The following CDC42BPA variants were observed in gnomAD, a reference collection of about 807,000 sequenced individuals.
The protein encoded by CDC42BPA is CDC42 binding protein kinase alpha.
A neutral mutation model predicts 223.5 loss-of-function variants in CDC42BPA; 80 were observed. The observed-to-expected ratio is 0.36, with a 90% CI of 0.30 to 0.43. CDC42BPA has a LOEUF of 0.43. Ranked by LOEUF, CDC42BPA falls within the 20% of genes least tolerant of loss-of-function variation. The pLI, the probability that CDC42BPA is intolerant of heterozygous loss-of-function variation, is 1.00. For synonymous variants in CDC42BPA, 694 were observed against 718.6 expected, an observed-to-expected ratio of 0.97 and a Z score of 0.55; for missense variants, 1,743 against 2,099.9, an observed-to-expected ratio of 0.83 and a Z score of 3.32.
chr1:227,060,717 CTTTTTT>C (rs59728048), intron 21 of CDC42BPA, among the ~76,000 whole-genome samples: 16 of 95,462 alleles, frequency 1.7e-4, no homozygotes, highest in Non-Finnish European at 2.0e-4. Context: ...TAAATAGGTA[CTTTTTT>C]TTTTTTTTTT....
intron 8 of CDC42BPA, among the ~76,000 whole-genome samples, chr1:227,144,020 A>T (rs1660200905): frequency 6.6e-6 from 1 of 152,234 alleles, no homozygotes; most frequent in Non-Finnish European, 1.5e-5. Context: ...ACAGGAAAGT[A>T]TGAGAAATTT....
At chr1:227,022,993 C>CT (rs2148576871) in intron 32 of CDC42BPA, among the ~76,000 whole-genome samples, 1 of 152,332 alleles carries the variant, frequency 6.6e-6, no homozygotes, top group Non-Finnish European at 1.5e-5. Flanking sequence ...ATCAGCTACA[C>CT]TTTCTCTACT....
At chr1:227,085,815 GT>G (rs1290846064) in intron 16 of CDC42BPA, among the ~76,000 whole-genome samples, 6 of 151,998 alleles carry the variant, frequency 3.9e-5, no homozygotes, top group Middle Eastern at 3.4e-3. Context: ...TAGTTTACCA[GT>G]TTTTTTTCAC....
intron 2 of CDC42BPA, among the ~76,000 whole-genome samples, chr1:227,227,885 T>C (rs927619701): frequency 3.9e-5 from 6 of 152,232 alleles, no homozygotes; most frequent in Non-Finnish European, 5.9e-5. Flanking sequence ...AAATGTTCCA[T>C]GTGTACTGAA....
At chr1:227,079,475 G>A (rs919595299) in intron 17 of CDC42BPA, among the ~76,000 whole-genome samples, 1 of 151,958 alleles carries the variant, frequency 6.6e-6, no homozygotes, top group African/African-American at 2.4e-5. Flanking sequence ...GTCATTTTCA[G>A]CTCCTCCTTA....
At chr1:227,062,215 C>T (rs1324343016) in intron 21 of CDC42BPA, among the ~76,000 whole-genome samples, 9 of 152,150 alleles carry the variant, frequency 5.9e-5, no homozygotes, top group East Asian at 1.9e-4. Context: ...TGAAATCTCC[C>T]TCTGTCCACA....
intron 6 of CDC42BPA, among the ~76,000 whole-genome samples, chr1:227,148,856 G>T (rs905775404): frequency 7.4e-6 from 1 of 135,158 alleles, no homozygotes; most frequent in African/African-American, 2.8e-5. Context: ...TTTTTACAAA[G>T]AGAGATTCTT....
chr1:227,264,896 GA>G (rs1684716899), intron 1 of CDC42BPA: 2 of 1,468,802 alleles, frequency 1.4e-6, no homozygotes, highest in Admixed American at 1.7e-5. Context: ...TTCCTCTTCT[GA>G]AACCTCAGAT....
In CDC42BPA at chr1:227,047,960, T is replaced by C. The variant is rs760979662; in HGVS notation, c.3060A>G (p.Lys1020=). 2 of 1,607,092 alleles carry C rather than the reference T, an allele frequency of 1.2e-6. No individual in the cohort carries two copies. Among genetic ancestry groups the C allele is most frequent in the Admixed American group, 1.7e-5 (1 of 59,736 alleles). ...LSVHTPTLRK[K]GCPGSTGFPP... ...GAAAGCCAGTTGAACCAGGACATCC[T>C]TTTTTCCTTAAGGTTGGTGTGTGAA... The change falls in exon 23 of 37, where the codon AAA becomes AAG. Residue 1020 remains lysine, a synonymous_variant. Transcript: ENST00000366766.
At chr1:227,080,289 T>C (rs1680368037) in intron 17 of CDC42BPA, among the ~76,000 whole-genome samples, 1 of 152,176 alleles carries the variant, frequency 6.6e-6, no homozygotes, top group Admixed American at 6.5e-5. Flanking sequence ...TCCCCATGTA[T>C]TATTAAAATA....
At chr1:227,008,791 C>T (rs529260604) in intron 34 of CDC42BPA, among the ~76,000 whole-genome samples, 1 of 152,314 alleles carries the variant, frequency 6.6e-6, no homozygotes, top group South Asian at 2.1e-4. Flanking sequence ...CATCTACATG[C>T]CATCTACATC....
At chr1:227,227,367 T>C (rs1164677541) in intron 2 of CDC42BPA, among the ~76,000 whole-genome samples, 6 of 152,190 alleles carry the variant, frequency 3.9e-5, no homozygotes, top group African/African-American at 1.4e-4. Context: ...TGGACTTCAA[T>C]TCTCCTTTCA....
chr1:227,194,427 T>C (rs1670325224), intron 4 of CDC42BPA, among the ~76,000 whole-genome samples: 1 of 152,216 alleles, frequency 6.6e-6, no homozygotes, highest in Admixed American at 6.5e-5. Context: ...TAGATCAGCA[T>C]TTAGAAACCA....
At chr1:227,116,942 G>C (rs1687864133) in intron 12 of CDC42BPA, among the ~76,000 whole-genome samples, 1 of 152,152 alleles carries the variant, frequency 6.6e-6, no homozygotes, top group Non-Finnish European at 1.5e-5. Flanking sequence ...TATTCCAAAG[G>C]GTTAGAGAAA....
chr1:227,310,354 G>A (rs1425533483), intron 1 of CDC42BPA, among the ~76,000 whole-genome samples: 1 of 152,158 alleles, frequency 6.6e-6, no homozygotes, highest in Non-Finnish European at 1.5e-5. Context: ...AACTAGGGAG[G>A]GAGGTTAGAG....
At chr1:227,158,893 T>C (rs1663322032) in intron 6 of CDC42BPA, among the ~76,000 whole-genome samples, 1 of 152,170 alleles carries the variant, frequency 6.6e-6, no homozygotes, top group African/African-American at 2.4e-5. Flanking sequence ...AAGCCCTGCA[T>C]ATTCCAGCTG....
At chr1:227,023,391 A>G in intron 31 of CDC42BPA, 44 bp from the exon 32 acceptor site, 2 of 1,058,892 alleles carry the variant, frequency 1.9e-6, no homozygotes, top group Non-Finnish European at 2.8e-6. Context: ...AACCTTTAAA[A>G]ATTAAATTAT....
intron 2 of CDC42BPA, among the ~76,000 whole-genome samples, chr1:227,251,497 C>CAT (rs1682001399): frequency 6.6e-6 from 1 of 152,042 alleles, no homozygotes; most frequent in African/African-American, 2.4e-5. Flanking sequence ...GAACAGTAAA[C>CAT]ATACCATATG....
rs538519150 is a variant in CDC42BPA, at chr1:227,205,115, C to T, written c.355-5463G>A. On this transcript the variant is annotated intron_variant, in intron 3 of 36. Coordinates refer to ENST00000366766, the MANE Select transcript of CDC42BPA (RefSeq NM_001394014.1). Reference sequence around the variant, plus strand: ...CTCTACTAAAAATACAAAAATTAGCCGGGTGTGGTGGTGGGAGGTACTTGG... The same window carrying T: ...CTCTACTAAAAATACAAAAATTAGCTGGGTGTGGTGGTGGGAGGTACTTGG... 5.9e-5 allele frequency among the ~76,000 whole-genome samples: 9 copies of T among 151,344 alleles called. No homozygotes were observed. The South Asian group carries it at 8.3e-4, about 14-fold the overall frequency.
Sources: allele counts gnomAD v4.1 joint callset (sites outside exome capture counted in the v4.1 genomes callset), GRCh38; gene constraint gnomAD v4.1.1; transcripts MANE v1.5; gene names NCBI Gene and HGNC (gene_info 2026-07-23, HGNC 2026-07-21).